The following ZFHX4 variants were observed in gnomAD, a reference collection of about 807,000 sequenced individuals.
ZFHX4 encodes zinc finger homeobox 4, also known as zinc finger homeobox protein 4.
ZFHX4 carries 56 observed loss-of-function variants against 267.6 expected under a neutral mutation model. That is an observed-to-expected ratio of 0.21 (90% CI 0.17 to 0.26). The LOEUF is 0.26. ZFHX4 is among the 10% of genes least tolerant of loss of function. The pLI is 1.00. For synonymous variants in ZFHX4, 1,778 were observed against 1,665.6 expected (o/e 1.07, Z -1.64); for missense variants, 4,332 against 4,420.0 (o/e 0.98, Z 0.56).
intron 4 of ZFHX4, among the ~76,000 whole-genome samples, chr8:76,795,994 A>G (rs1156489217): frequency 1.3e-5 from 2 of 152,168 alleles, no homozygotes; most frequent in Non-Finnish European, 2.9e-5. Flanking sequence ...AAAGGATTAG[A>G]TTGTGGAAGG....
At chr8:76,848,496 A>T (rs893647917) in intron 6 of ZFHX4, among the ~76,000 whole-genome samples, 2 of 152,162 alleles carry the variant, frequency 1.3e-5, no homozygotes, top group Non-Finnish European at 1.5e-5. Context: ...TAATTTTACA[A>T]TCCTTTCCGT....
At position 76,752,886 on chromosome 8, in the gene ZFHX4, T is replaced by C. The variant is rs531032857; in HGVS notation, c.3094-25322T>C. On this transcript the variant is annotated intron_variant, in intron 3 of 10. Coordinates refer to ENST00000651372, the MANE Select transcript of ZFHX4 (RefSeq NM_024721.5). ...AATAACTTATGTAATTACTTTTTCG[T>C]GAATTGTACAATTCCTAAATTGACA... is the stretch of plus-strand genomic sequence containing the variant. 3.3e-5 allele frequency among the ~76,000 whole-genome samples: 5 copies of C among 152,354 alleles called. No homozygotes were observed. In the South Asian group the frequency reaches 1.0e-3, roughly 32 times the overall value.
intron 3 of ZFHX4, among the ~76,000 whole-genome samples, chr8:76,741,109 G>A (rs1233725301): frequency 2.0e-5 from 3 of 152,168 alleles, no homozygotes; most frequent in Admixed American, 2.0e-4. Flanking sequence ...CAAGAGTAGA[G>A]GATCAGGGAA....
intron 4 of ZFHX4, among the ~76,000 whole-genome samples, chr8:76,829,735 C>T (rs538260875): frequency 4.6e-5 from 7 of 152,060 alleles, no homozygotes; most frequent in South Asian, 2.1e-4. Flanking sequence ...CTTCATGAAC[C>T]GGGACCCAAG....
At position 76,849,730 on chromosome 8, in the gene ZFHX4, T is replaced by C; in HGVS notation, c.3846+18T>C. On this transcript the variant is annotated intron_variant, in intron 8 of 10. Transcript: ENST00000651372. ...TTATGACAGTAAGGATACCAAATAT[T>C]GATGCATGTGTGACATAATCTGTGT... 2 of 1,598,558 alleles carry C rather than the reference T, an allele frequency of 1.3e-6. No homozygotes were observed. Among genetic ancestry groups the C allele is most frequent in the Non-Finnish European group, 1.7e-6 (2 of 1,166,724 alleles).
intron 3 of ZFHX4, among the ~76,000 whole-genome samples, chr8:76,776,086 C>T (rs1810394080): frequency 6.6e-6 from 1 of 151,720 alleles, no homozygotes; most frequent in Non-Finnish European, 1.5e-5. Context: ...TTATTGGTAC[C>T]ATTTTTAATT....
rs991701867 is a variant in ZFHX4, at chr8:76,782,292, G to A, written c.3325+3853G>A. 10 of 373,060 alleles carry A rather than the reference G, an allele frequency of 2.7e-5. No individual in the cohort carries two copies. In the East Asian group the frequency reaches 7.6e-4, roughly 28 times the overall value. 23.1% of individuals were successfully genotyped at this position (373,060 alleles called of 1,614,324 possible). A position where few individuals can be genotyped will look rare whatever the true frequency, so the allele number is the denominator to read the frequency against. On this transcript the variant is annotated intron_variant, in intron 4 of 10. Transcript: ENST00000651372. ...TTTCTTGAAATGTACACTCTGTCTG[G>A]CTATGCTAGTACACAGCCACATGTG...
chr8:76,860,952 G>A (rs768444590), intron 10 of ZFHX4, among the ~76,000 whole-genome samples: 24 of 152,110 alleles, frequency 1.6e-4, no homozygotes, highest in Non-Finnish European at 1.9e-4. Flanking sequence ...ACATAGAACT[G>A]TAGGAATAAA....
Position 76,851,082 on chromosome 8 carries a change from C to G in ZFHX4, c.4161C>G (p.Leu1387=). 2 of 1,613,998 alleles carry G rather than the reference C, an allele frequency of 1.2e-6. No homozygotes were observed. Among genetic ancestry groups the G allele is most frequent in the Middle Eastern group, 1.6e-4 (1 of 6,062 alleles). Reference sequence around the variant, plus strand: ...ATGAACAGCAAAAAAGGCAACCGCTCTCTGTTTCTGACCGTCATGTCTACA... The same window carrying G: ...ATGAACAGCAAAAAAGGCAACCGCTGTCTGTTTCTGACCGTCATGTCTACA... ...QLNEQQKRQP[L]SVSDRHVYKY... The change falls in exon 10 of 11, where the codon CTC becomes CTG. Residue 1387 remains leucine (L), a synonymous_variant. Coordinates refer to ENST00000651372, the MANE Select transcript of ZFHX4 (RefSeq NM_024721.5).
At position 76,754,677 on chromosome 8, in the gene ZFHX4, C is replaced by T. The variant is rs1338588921; in HGVS notation, c.3094-23531C>T. On this transcript the variant is annotated intron_variant, in intron 3 of 10. Coordinates refer to ENST00000651372, the MANE Select transcript of ZFHX4 (RefSeq NM_024721.5). The stretch of plus-strand genomic sequence containing the variant: ...TAATTAGGATATTTATTACCTCAAA[C>T]ATTTGTCATTTATTTGTGTTGAGAA... 3.9e-5 allele frequency among the ~76,000 whole-genome samples: 6 copies of T among 152,204 alleles called. No homozygotes were observed. The East Asian group carries it at 1.2e-3, about 29-fold the overall frequency.
intron 3 of ZFHX4, among the ~76,000 whole-genome samples, chr8:76,755,855 A>G (rs982983146): frequency 6.6e-6 from 1 of 152,106 alleles, no homozygotes; most frequent in Non-Finnish European, 1.5e-5. Context: ...CATTGCTATA[A>G]TGATCTCATT....
chr8:76,825,465 A>T (rs1207582971), intron 4 of ZFHX4, among the ~76,000 whole-genome samples: 1 of 152,216 alleles, frequency 6.6e-6, no homozygotes, highest in Non-Finnish European at 1.5e-5. Flanking sequence ...CGTTCTCCTA[A>T]TGAAATACTT....
At position 76,842,724 on chromosome 8, in the gene ZFHX4, C is replaced by T. The variant is rs1233736819; in HGVS notation, c.3464C>T (p.Thr1155Ile). ...GTGGCCGAGGACGATGAAAAAGACA[C>T]AAGTGAGAGAGACAATAGTGAAGGC... ...TAVAEDDEKD[T>I]SERDNSEGKN... Residue 1155 changes from threonine (T) to isoleucine (I), a missense_variant, in exon 6 of 11, where the codon ACA (threonine) becomes ATA (isoleucine). By Grantham distance (89) the Thr-to-Ile change is moderately conservative (BLOSUM62 -1). Around this residue, in one of 7 missense-constraint regions of ZFHX4, gnomAD observed 1,371 missense variants for 1,423.1 expected, o/e 0.96. Transcript: ENST00000651372. 3 of 1,554,726 alleles carry T rather than the reference C, an allele frequency of 1.9e-6. No individual in the cohort carries two copies. The highest frequency in any genetic ancestry group is 2.7e-5 in the African/African-American group (2 of 73,108).
chr8:76,824,734 G>A (rs1022036545), intron 4 of ZFHX4, among the ~76,000 whole-genome samples: 1 of 151,900 alleles, frequency 6.6e-6, no homozygotes, highest in African/African-American at 2.4e-5. Flanking sequence ...CACTCTACCT[G>A]GCTAATTATT....
intron 10 of ZFHX4, 42 bp from the exon 11 acceptor site, chr8:76,863,052 T>G (rs535131185): frequency 6.8e-7 from 1 of 1,464,594 alleles, no homozygotes; most frequent in African/African-American, 1.4e-5. Context: ...CCGATGTTGG[T>G]CTGTACATTG....
chr8:76,717,148 T>A (rs936295048), intron 3 of ZFHX4, among the ~76,000 whole-genome samples: 16 of 152,200 alleles, frequency 1.1e-4, no homozygotes, highest in Non-Finnish European at 1.6e-4. Context: ...TGTATTCACT[T>A]GCTACTTCTT....
chr8:76,828,053 G>C (rs148104928), intron 4 of ZFHX4, among the ~76,000 whole-genome samples: 1 of 152,144 alleles, frequency 6.6e-6, no homozygotes, highest in Non-Finnish European at 1.5e-5. Context: ...CTTTGTATCC[G>C]CATAGGAAAA....
intron 6 of ZFHX4, among the ~76,000 whole-genome samples, chr8:76,848,072 A>G (rs1253541010): frequency 6.6e-6 from 1 of 152,120 alleles, no homozygotes; most frequent in Non-Finnish European, 1.5e-5. Flanking sequence ...AATTAGAAAT[A>G]CTCATAATAA....
chr8:76,701,324 G>A (rs568725689), intron 1 of ZFHX4, among the ~76,000 whole-genome samples: 1 of 152,188 alleles, frequency 6.6e-6, no homozygotes, highest in African/African-American at 2.4e-5. Flanking sequence ...ATTTGACTTA[G>A]TTTCTGATTT....
Sources: allele counts gnomAD v4.1 joint callset (sites outside exome capture counted in the v4.1 genomes callset), GRCh38; gene constraint gnomAD v4.1.1; regional missense constraint gnomAD v4.1.1; transcripts MANE v1.5; gene names NCBI Gene and HGNC (gene_info 2026-07-23, HGNC 2026-07-21).